The following ADGB variants were observed in gnomAD, a reference collection of about 807,000 sequenced individuals.
ADGB encodes the protein androglobin, also known as calpain-7-like protein.
In ADGB, 172 loss-of-function variants were observed where a neutral mutation model predicts 210.5. The ratio of observed to expected loss-of-function variants is 0.82; its 90% CI spans 0.72 to 0.93. The LOEUF (loss-of-function observed/expected upper bound fraction) is 0.93. Among genes scored for constraint, ADGB ranks in the 40% least tolerant of loss-of-function variants. The pLI is 0.00. For missense variants in ADGB, 2,025 were observed against 1,964.8 expected, an observed-to-expected ratio of 1.03 and a Z score of -0.58; for synonymous variants, 658 against 662.7, an observed-to-expected ratio of 0.99 and a Z score of 0.11.
chr6:146,638,010 C>T (rs985323374), intron 2 of ADGB, among the ~76,000 whole-genome samples: 3 of 151,974 alleles, frequency 2.0e-5, no homozygotes, highest in African/African-American at 7.2e-5. Context: ...CCAACCAAAT[C>T]CAGCAGCACA....
intron 1 of ADGB, among the ~76,000 whole-genome samples, chr6:146,615,654 T>G (rs901334374): frequency 1.3e-5 from 2 of 152,214 alleles, no homozygotes; most frequent in African/African-American, 4.8e-5. Context: ...AGATCAACTT[T>G]TTTAGCTCCC....
intron 20 of ADGB, among the ~76,000 whole-genome samples, chr6:146,731,196 T>G (rs1776980220): frequency 6.6e-6 from 1 of 152,158 alleles, no homozygotes; most frequent in Non-Finnish European, 1.5e-5. Flanking sequence ...ACTACTCACC[T>G]ACAGCATGAG....
chr6:146,779,099 T>C (rs965650943), intron 29 of ADGB, among the ~76,000 whole-genome samples: 2 of 150,504 alleles, frequency 1.3e-5, no homozygotes, highest in African/African-American at 4.9e-5. Context: ...TCCTGGCACA[T>C]ACTGGCGGAT....
chr6:146,630,483 G>T (rs1446858782), intron 1 of ADGB, among the ~76,000 whole-genome samples: 3 of 151,982 alleles, frequency 2.0e-5, no homozygotes, highest in Non-Finnish European at 4.4e-5. Context: ...TGAGGTAGGA[G>T]CATCATTTGT....
intron 13 of ADGB, among the ~76,000 whole-genome samples, chr6:146,713,500 G>A (rs1050999172): frequency 6.6e-6 from 1 of 152,182 alleles, no homozygotes; most frequent in Non-Finnish European, 1.5e-5. Context: ...TCATGATATT[G>A]AGAATCTTGT....
At chr6:146,781,987 G>C in intron 29 of ADGB, 33 bp from the exon 30 acceptor site, 1 of 1,407,960 alleles carries the variant, frequency 7.1e-7, no homozygotes, top group South Asian at 1.8e-5. Context: ...GTTATATTAT[G>C]ACTCACCATT....
At chr6:146,766,855 AGCAGT>A (rs1273527813) in intron 28 of ADGB, among the ~76,000 whole-genome samples, 3 of 152,228 alleles carry the variant, frequency 2.0e-5, no homozygotes, top group Non-Finnish European at 4.4e-5. Context: ...ATCCAATTCT[AGCAGT>A]GTATTAAGCA....
At chr6:146,784,912 T>G (rs922148495) in intron 31 of ADGB, 118 bp downstream of exon 31, 2 of 1,042,842 alleles carry the variant, frequency 1.9e-6, no homozygotes, top group African/African-American at 3.3e-5. Context: ...TATCTGAAAT[T>G]TTATCAGACA....
chr6:146,786,179 T>TA, intron 32 of ADGB, among the ~76,000 whole-genome samples: 1 of 146,914 alleles, frequency 6.8e-6, no homozygotes, highest in South Asian at 2.1e-4. Context: ...ATATATATAT[T>TA]TAAGTATATA....
rs1467959486 is a variant in ADGB at position 146,692,908 on chromosome 6, A to G, written c.1570A>G (p.Thr524Ala). The stretch of plus-strand genomic sequence containing the variant: ...TAGAATGACTCCATTTACAATTCCA[A>G]CAGAAATGTAAGTATTAACATTCTT... ...NYRMTPFTIP[T>A]EMHFVRSLIK... Residue 524 changes from threonine to alanine, a missense_variant, in exon 12 of 36, where the codon ACA becomes GCA. By Grantham distance (58) the Thr-to-Ala change is moderately conservative. Transcript: ENST00000397944. The G allele has an allele frequency of 6.7e-7, 1 of 1,483,504 alleles. No individual in the cohort carries two copies. Among genetic ancestry groups the G allele is most frequent in the Admixed American group, 2.1e-5 (1 of 48,698 alleles). 91.9% of individuals were successfully genotyped at this position (1,483,504 alleles called of 1,614,324 possible).
chr6:146,608,216 G>C (rs1780657876), intron 1 of ADGB, among the ~76,000 whole-genome samples: 1 of 151,432 alleles, frequency 6.6e-6, no homozygotes, highest in African/African-American at 2.4e-5. Flanking sequence ...CTGAGGTTTT[G>C]TGGTTTTTTT....
intron 5 of ADGB, among the ~76,000 whole-genome samples, chr6:146,662,668 G>A (rs1296992409): frequency 6.6e-6 from 1 of 151,712 alleles, no homozygotes; most frequent in Non-Finnish European, 1.5e-5. Flanking sequence ...TCTGGGTTTT[G>A]GTATGATAGG....
rs1010992631 is a variant in ADGB, at chr6:146,741,100, A to C, written c.3024-18A>C. The C allele has an allele frequency of 7.9e-5, 118 of 1,493,518 alleles. No homozygotes were observed. The highest frequency in any genetic ancestry group is 1.0e-4 in the Non-Finnish European group (113 of 1,121,866). The allele number at this position is 1,493,518 out of a possible 1,614,324, so 92.5% of individuals were successfully genotyped here. A position where few individuals can be genotyped will look rare whatever the true frequency, so the allele number is the denominator to read the frequency against. On this transcript the variant is annotated intron_variant, in intron 24 of 35. Transcript: ENST00000397944. ...AAGAATTCACATCAAGGGAAAGTTCATGCTTTTGTAATTACAGAGAAACAT... is the reference window on the plus strand; with the variant it reads ...AAGAATTCACATCAAGGGAAAGTTCCTGCTTTTGTAATTACAGAGAAACAT...
At chr6:146,669,210 A>G (rs1356895678) in intron 7 of ADGB, among the ~76,000 whole-genome samples, 1 of 152,084 alleles carries the variant, frequency 6.6e-6, no homozygotes, top group African/African-American at 2.4e-5. Flanking sequence ...AAACAATAAA[A>G]TGTGCTAAAG....
rs1275173134 is a variant in ADGB, at chr6:146,672,429, C to T, written c.1049C>T (p.Thr350Ile). 1.9e-6 allele frequency: 3 copies of T among 1,548,414 alleles called. No individual in the cohort carries two copies. Among genetic ancestry groups the T allele is most frequent in the Non-Finnish European group, 1.7e-6 (2 of 1,146,096 alleles). Reference sequence around the variant, plus strand: ...TTCAAACCTGAAAGTTCTTTGACAACACTAAAGGCTCCTGAGAAAAGCGAC... The same window carrying T: ...TTCAAACCTGAAAGTTCTTTGACAATACTAAAGGCTCCTGAGAAAAGCGAC... ...KEFKPESSLT[T>I]LKAPEKSDKV... is the part of the protein sequence containing the mutation. Residue 350 changes from threonine (T) to isoleucine (I), a missense_variant, in exon 8 of 36, where the codon ACA becomes ATA. Thr to Ile is a moderately conservative substitution (Grantham distance 89). Transcript: ENST00000397944.
chr6:146,766,449 T>TTAAAC (rs1259228566), intron 28 of ADGB, among the ~76,000 whole-genome samples: 2 of 147,498 alleles, frequency 1.4e-5, no homozygotes, highest in East Asian at 4.0e-4. Flanking sequence ...TTAAATTAAA[T>TTAAAC]TAAATTAAAT....
intron 2 of ADGB, among the ~76,000 whole-genome samples, chr6:146,637,837 G>T (rs1775447157): frequency 6.6e-6 from 1 of 152,048 alleles, no homozygotes; most frequent in South Asian, 2.1e-4. Context: ...CATTCTTACT[G>T]AAACTATTCC....
intron 33 of ADGB, among the ~76,000 whole-genome samples, chr6:146,799,138 C>T (rs1011643069): frequency 1.3e-5 from 2 of 149,606 alleles, no homozygotes; most frequent in African/African-American, 2.5e-5. Flanking sequence ...ACTTACTCAT[C>T]CTGATAAAGA....
In ADGB at chr6:146,746,021, T is replaced by C. The variant is rs746190305; in HGVS notation, c.3277T>C (p.Cys1093Arg). The C allele has an allele frequency of 4.2e-5, 65 of 1,551,400 alleles. No individual in the cohort carries two copies. The Admixed American group carries it at 8.8e-4, about 21-fold the overall frequency. Residue 1093 changes from cysteine (C) to arginine (R), a missense_variant, in exon 26 of 36, where the codon TGC (cysteine) becomes CGC (arginine). By Grantham distance (180) the Cys-to-Arg change is radical. Transcript: ENST00000397944. ...RLIGSSAPLP[C>R]LSRDSPCNSF... ...CATCGGTTCTTCTGCTCCACTGCCA[T>C]GCCTCTCTCGAGACTCTCCATGCAA...
Sources: gnomAD v4.1 joint callset for allele counts (sites outside exome capture counted in the v4.1 genomes callset) on GRCh38, gnomAD v4.1.1 for gene constraint, MANE v1.5 for transcripts, NCBI Gene and HGNC (gene_info 2026-07-23, HGNC 2026-07-21) for gene names.